The following NOSTRIN variants were observed in gnomAD, a reference collection of about 807,000 sequenced individuals.
NOSTRIN encodes nitric oxide synthase trafficking, also known as BM247 homolog.
NOSTRIN carries 63 observed loss-of-function variants against 59.0 expected under a neutral mutation model. That is an observed-to-expected ratio of 1.07 (90% CI 0.87 to 1.32). The LOEUF is 1.32. Among genes scored for constraint, NOSTRIN ranks in the 40% most tolerant of loss-of-function variants. The pLI, the probability that NOSTRIN is intolerant of heterozygous loss-of-function variation, is 0.00. For missense variants in NOSTRIN, 512 were observed against 473.1 expected (o/e 1.08, Z -0.76); for synonymous variants, 200 against 165.4 (o/e 1.21, Z -1.61).
intron 1 of NOSTRIN, among the ~76,000 whole-genome samples, chr2:168,807,273 C>T (rs1038440994): frequency 9.2e-5 from 14 of 152,086 alleles, no homozygotes; most frequent in Admixed American, 5.9e-4. Flanking sequence ...CATACATACA[C>T]ACACACACAG....
chr2:168,856,761 G>T lies in NOSTRIN; in HGVS notation c.1036G>T (p.Ala346Ser), dbSNP rs768132604. Reference protein sequence around the residue: ...FSDAKSQKDTAALMDENNLKL... With the variant: ...FSDAKSQKDTSALMDENNLKL... Reference sequence around the variant, plus strand: ...TGATGCAAAGAGCCAGAAAGACACAGCAGCGTTAATGGATGAGGTAAATGT... The same window carrying T: ...TGATGCAAAGAGCCAGAAAGACACATCAGCGTTAATGGATGAGGTAAATGT... Residue 346 changes from alanine to serine, a missense_variant, in exon 12 of 16, where the codon GCA becomes TCA. Physicochemically the swap from Ala to Ser is moderately conservative, Grantham distance 99. Transcript: ENST00000317647. 6.2e-7 allele frequency: 1 copy of T among 1,614,096 alleles called. No homozygotes were observed. The highest frequency in any genetic ancestry group is 1.1e-5 in the South Asian group (1 of 91,088).
intron 8 of NOSTRIN, among the ~76,000 whole-genome samples, chr2:168,845,608 C>T (rs1018861498): frequency 6.6e-6 from 1 of 152,110 alleles, no homozygotes; most frequent in African/African-American, 2.4e-5. Context: ...TACATGTTTC[C>T]CCTACAACCA....
At chr2:168,802,349 T>A, upstream of NOSTRIN, 1 of 348,490 alleles carries the variant, frequency 2.9e-6, no homozygotes, top group Non-Finnish European at 5.4e-6. Flanking sequence ...TGTTACAGCT[T>A]CTCTGCCTTC....
rs751718907 is a variant in NOSTRIN at position 168,864,948 on chromosome 2, G to A, written c.1499G>A (p.Gly500Asp). The change falls in exon 16 of 16, where the codon GGC (glycine) becomes GAC (aspartate). Residue 500 changes from glycine to aspartate, a missense_variant. Gly to Asp is a moderately conservative substitution (Grantham distance 94). Transcript: ENST00000317647. ...AYVEELPSNAGNTATKA is the reference protein window; with the variant it reads ...AYVEELPSNADNTATKA ...GTGGAGGAGTTACCTTCAAATGCTG[G>A]CAACACAGCTACAAAGGCATAAAAC... 6.2e-7 allele frequency: 1 copy of A among 1,614,038 alleles called. No homozygotes were observed. Among genetic ancestry groups the A allele is most frequent in the Non-Finnish European group, 8.5e-7 (1 of 1,179,990 alleles).
intron 2 of NOSTRIN, among the ~76,000 whole-genome samples, chr2:168,812,363 A>G (rs1231309007): frequency 6.6e-6 from 1 of 152,232 alleles, no homozygotes; most frequent in Non-Finnish European, 1.5e-5. Flanking sequence ...AATGTGTGCC[A>G]TAAGACCAAA....
chr2:168,855,805 A>C, intron 11 of NOSTRIN: 1 of 442,672 alleles, frequency 2.3e-6, no homozygotes, highest in Non-Finnish European at 4.4e-6. Context: ...TGTGCATGAG[A>C]GTTTTGGATG....
At chr2:168,847,562 A>T (rs188332980) in intron 8 of NOSTRIN, among the ~76,000 whole-genome samples, 1 of 152,368 alleles carries the variant, frequency 6.6e-6, no homozygotes, top group Admixed American at 6.5e-5. Flanking sequence ...TTCCTGTAGT[A>T]CCAGCCCAAA....
At chr2:168,813,613 G>T (rs1298791613) in intron 2 of NOSTRIN, among the ~76,000 whole-genome samples, 27 of 152,134 alleles carry the variant, frequency 1.8e-4, no homozygotes, top group Admixed American at 5.9e-4. Context: ...ATTCTAGAGT[G>T]ACAAACATAT....
chr2:168,858,253 C>T lies in NOSTRIN; in HGVS notation c.1054-1259C>T, dbSNP rs917860901. Among the ~76,000 whole-genome samples, 4 of 152,286 alleles carry T rather than the reference C, an allele frequency of 2.6e-5. No homozygotes were observed. In the South Asian group the frequency reaches 8.3e-4, roughly 32 times the overall value. On this transcript the variant is annotated intron_variant, in intron 12 of 15. Coordinates refer to ENST00000317647, the MANE Select transcript of NOSTRIN (RefSeq NM_001039724.4). ...GGGAGAGCATCTGACCTTGGAACTTCCAATGTTTATGATCTGGTGAAGGAG... is the reference window on the plus strand; with the variant it reads ...GGGAGAGCATCTGACCTTGGAACTTTCAATGTTTATGATCTGGTGAAGGAG...
intron 10 of NOSTRIN, among the ~76,000 whole-genome samples, chr2:168,852,349 G>A (rs1688817776): frequency 6.6e-6 from 1 of 152,162 alleles, no homozygotes; most frequent in African/African-American, 2.4e-5. Flanking sequence ...AAACTGGTCA[G>A]TGTCCCTGGT....
chr2:168,849,242 C>T (rs1270383686), intron 8 of NOSTRIN, among the ~76,000 whole-genome samples: 4 of 152,204 alleles, frequency 2.6e-5, no homozygotes, highest in Admixed American at 2.6e-4. Context: ...ATTGCTGGTG[C>T]TCTTTGTGGG....
intron 6 of NOSTRIN, 40 bp from the exon 7 acceptor site, chr2:168,834,187 T>G (rs749497034): frequency 3.4e-5 from 29 of 856,286 alleles, no homozygotes; most frequent in Non-Finnish European, 5.5e-5. Flanking sequence ...GGCATCAGCC[T>G]CTGCTCCTTT....
At chr2:168,849,257 A>G (rs1364093850) in intron 8 of NOSTRIN, among the ~76,000 whole-genome samples, 1 of 152,200 alleles carries the variant, frequency 6.6e-6, no homozygotes, top group African/African-American at 2.4e-5. Flanking sequence ...TGTGGGATGC[A>G]GGAGTTGGGA....
At chr2:168,844,737 G>T (rs1473536101) in intron 8 of NOSTRIN, among the ~76,000 whole-genome samples, 3 of 152,152 alleles carry the variant, frequency 2.0e-5, no homozygotes, top group Non-Finnish European at 4.4e-5. Flanking sequence ...GCGCGTGGTG[G>T]CGGGCGCCTG....
chr2:168,800,563 GCCCA>G (rs1685584861), upstream of NOSTRIN, among the ~76,000 whole-genome samples: 1 of 152,146 alleles, frequency 6.6e-6, no homozygotes, highest in Non-Finnish European at 1.5e-5. Context: ...AAGCTAGTCA[GCCCA>G]CTGGGAATGG....
In NOSTRIN at chr2:168,855,390, A is replaced by G. The variant is rs988615999; in HGVS notation, c.894A>G (p.Arg298=). The change falls in exon 11 of 16, where the codon CGA becomes CGG. Residue 298 remains arginine (R), a synonymous_variant. Coordinates refer to ENST00000317647, the MANE Select transcript of NOSTRIN (RefSeq NM_001039724.4). Reference sequence around the variant, plus strand: ...ACAGTGCAATGGATAAAGAGAGACGAAAGTCTTTACTAAAACCAAAATTAT... The same window carrying G: ...ACAGTGCAATGGATAAAGAGAGACGGAAGTCTTTACTAAAACCAAAATTAT... The part of the protein sequence containing the change: ...DPNSAMDKER[R]KSLLKPKLLR... 8 of 1,610,224 alleles carry G rather than the reference A, an allele frequency of 5.0e-6. No homozygotes were observed. Among genetic ancestry groups the G allele is most frequent in the Non-Finnish European group, 4.2e-6 (5 of 1,177,106 alleles).
chr2:168,799,969 GC>G (rs1248957870), upstream of NOSTRIN, among the ~76,000 whole-genome samples: 1 of 152,208 alleles, frequency 6.6e-6, no homozygotes, highest in Non-Finnish European at 1.5e-5. Flanking sequence ...ATCTGGGCTG[GC>G]CCATGACTGG....
chr2:168,820,397 G>C (rs1686664154), intron 2 of NOSTRIN, among the ~76,000 whole-genome samples: 1 of 152,192 alleles, frequency 6.6e-6, no homozygotes, highest in African/African-American at 2.4e-5. Context: ...TAAGTGCCCA[G>C]TAAGTGTTGG....
At chr2:168,832,548 A>G (rs950946010) in intron 6 of NOSTRIN, among the ~76,000 whole-genome samples, 2 of 152,180 alleles carry the variant, frequency 1.3e-5, no homozygotes, top group East Asian at 3.8e-4. Flanking sequence ...AGAGACAGGC[A>G]AACTTGGTGT....
Sources: gnomAD v4.1 joint callset for allele counts (sites outside exome capture counted in the v4.1 genomes callset) on GRCh38, gnomAD v4.1.1 for gene constraint, MANE v1.5 for transcripts, NCBI Gene and HGNC (gene_info 2026-07-23, HGNC 2026-07-21) for gene names.